The following PCSK5 variants were observed in gnomAD, a reference collection of about 807,000 sequenced individuals.
PCSK5 encodes prohormone convertase 5.
PCSK5 carries 129 observed loss-of-function variants against 233.2 expected under a neutral mutation model. That is an observed-to-expected ratio of 0.55 (90% confidence interval 0.48 to 0.64). PCSK5 has a LOEUF of 0.64. Ranked by LOEUF, PCSK5 falls within the 30% of genes least tolerant of loss-of-function variation. The probability of loss-of-function intolerance (pLI) is 0.00; values close to 1 mark genes in which losing one functional copy is unlikely to be tolerated. For synonymous variants in PCSK5, 825 were observed against 879.2 expected (o/e 0.94, Z 1.09); for missense variants, 2,076 against 2,430.1 (o/e 0.85, Z 3.06).
intron 24 of PCSK5, among the ~76,000 whole-genome samples, chr9:76,253,416 C>T (rs887810555): frequency 6.6e-6 from 1 of 152,084 alleles, no homozygotes; most frequent in Non-Finnish European, 1.5e-5. Flanking sequence ...ATTAGAGCCT[C>T]CCTGCCCCCT....
intron 5 of PCSK5, among the ~76,000 whole-genome samples, chr9:76,032,567 G>A (rs1040487501): frequency 2.0e-5 from 3 of 152,146 alleles, no homozygotes; most frequent in Admixed American, 1.3e-4. Flanking sequence ...CCAAATGGTG[G>A]TATGTCAGAC....
chr9:76,069,858 T>C (rs1456455331), intron 6 of PCSK5, among the ~76,000 whole-genome samples: 1 of 152,146 alleles, frequency 6.6e-6, no homozygotes, highest in African/African-American at 2.4e-5. Context: ...CGTTCATCTT[T>C]CTTTGCTAAG....
chr9:76,153,108 C>G (rs1823741563), intron 10 of PCSK5, among the ~76,000 whole-genome samples: 1 of 152,126 alleles, frequency 6.6e-6, no homozygotes, highest in Non-Finnish European at 1.5e-5. Flanking sequence ...CAACTGATAT[C>G]TTATACCTAT....
intron 35 of PCSK5, among the ~76,000 whole-genome samples, chr9:76,349,287 A>AAAAAAG (rs1830059683): frequency 1.5e-5 from 1 of 68,646 alleles, no homozygotes; most frequent in African/African-American, 3.1e-5. Context: ...AAAAAAAAAA[A>AAAAAAG]AAAAGAAAAA....
intron 9 of PCSK5, among the ~76,000 whole-genome samples, chr9:76,119,222 A>G (rs1832543630): frequency 6.6e-6 from 1 of 151,978 alleles, no homozygotes; most frequent in African/African-American, 2.4e-5. Flanking sequence ...TTTCATGTTC[A>G]TATTTGTCTT....
intron 20 of PCSK5, among the ~76,000 whole-genome samples, chr9:76,196,052 A>C (rs1824685010): frequency 6.6e-6 from 1 of 152,202 alleles, no homozygotes; most frequent in Admixed American, 6.5e-5. Context: ...GGAATTGAGA[A>C]GGAGTGAGAA....
chr9:76,059,572 A>G (rs1419102401), intron 5 of PCSK5, among the ~76,000 whole-genome samples: 2 of 152,146 alleles, frequency 1.3e-5, no homozygotes, highest in African/African-American at 2.4e-5. Context: ...AGCTTTCTAC[A>G]TATGGCTGGC....
At chr9:76,194,697 G>A (rs1323774652) in intron 20 of PCSK5, 2 of 456,536 alleles carry the variant, frequency 4.4e-6, no homozygotes, top group East Asian at 1.5e-4. Context: ...AAACTATTTG[G>A]ATTAGTGGCC....
intron 5 of PCSK5, among the ~76,000 whole-genome samples, 163 bp from the exon 6 acceptor site, chr9:76,067,792 T>A (rs943207612): frequency 3.9e-5 from 6 of 152,188 alleles, no homozygotes; most frequent in African/African-American, 1.4e-4. Context: ...TCTAATTAAG[T>A]GCTAGAAGTT....
intron 1 of PCSK5, among the ~76,000 whole-genome samples, chr9:75,910,178 T>C (rs966039294): frequency 2.0e-5 from 3 of 152,242 alleles, no homozygotes; most frequent in Admixed American, 1.3e-4. Flanking sequence ...CCAAGCTCAA[T>C]AGTTTTCTCC....
intron 16 of PCSK5, among the ~76,000 whole-genome samples, chr9:76,183,985 A>G (rs1405781790): frequency 6.6e-6 from 1 of 152,200 alleles, no homozygotes; most frequent in Non-Finnish European, 1.5e-5. Flanking sequence ...ACCTGGTAGT[A>G]ACTAGGAAAG....
At chr9:76,021,134 A>G (rs1828166414) in intron 3 of PCSK5, among the ~76,000 whole-genome samples, 1 of 152,328 alleles carries the variant, frequency 6.6e-6, no homozygotes, top group East Asian at 1.9e-4. Flanking sequence ...AATAAAGTTG[A>G]GAATATGCCC....
At chr9:76,042,955 T>C (rs1174142641) in intron 5 of PCSK5, among the ~76,000 whole-genome samples, 2 of 152,034 alleles carry the variant, frequency 1.3e-5, no homozygotes, top group Non-Finnish European at 1.5e-5. Context: ...GTAGCATTAG[T>C]GAGATGAAGA....
chr9:76,076,628 G>GA (rs1417078861), intron 7 of PCSK5, among the ~76,000 whole-genome samples: 1 of 152,130 alleles, frequency 6.6e-6, no homozygotes, highest in Admixed American at 6.5e-5. Context: ...GCAAGCTAAT[G>GA]AAAAAATGTA....
At chr9:76,146,308 G>T (rs1241199822) in intron 10 of PCSK5, among the ~76,000 whole-genome samples, 1 of 150,576 alleles carries the variant, frequency 6.6e-6, no homozygotes, top group Non-Finnish European at 1.5e-5. Flanking sequence ...CCATCTATAA[G>T]TGCCTGGTTA....
At chr9:75,974,684 C>T (rs1396016156) in intron 2 of PCSK5, among the ~76,000 whole-genome samples, 1 of 152,172 alleles carries the variant, frequency 6.6e-6, no homozygotes, top group Non-Finnish European at 1.5e-5. Flanking sequence ...AACACCAAGT[C>T]AGAGACCTTC....
intron 1 of PCSK5, among the ~76,000 whole-genome samples, chr9:75,924,919 T>G (rs879839651): frequency 6.6e-6 from 1 of 152,200 alleles, no homozygotes; most frequent in Non-Finnish European, 1.5e-5. Context: ...TCTTACACTC[T>G]GTGAGCCTCT....
intron 24 of PCSK5, among the ~76,000 whole-genome samples, chr9:76,242,117 A>G (rs945370576): frequency 2.0e-5 from 3 of 152,170 alleles, no homozygotes; most frequent in Non-Finnish European, 4.4e-5. Flanking sequence ...ATAGTTTTAC[A>G]TATTTAGGGG....
intron 2 of PCSK5, among the ~76,000 whole-genome samples, chr9:75,955,026 A>T (rs568176035): frequency 6.6e-6 from 1 of 152,310 alleles, no homozygotes; most frequent in South Asian, 2.1e-4. Context: ...CCTAATGAAA[A>T]ATCTGTGGTT....
Sources: gnomAD v4.1 joint callset for allele counts (sites outside exome capture counted in the v4.1 genomes callset) on GRCh38, gnomAD v4.1.1 for gene constraint, MANE v1.5 for transcripts, NCBI Gene and HGNC (gene_info 2026-07-23, HGNC 2026-07-21) for gene names.